The following CHCHD6 variants were observed in gnomAD, a reference collection of about 807,000 sequenced individuals.
CHCHD6 encodes the protein coiled-coil-helix-coiled-coil-helix domain containing 6, also known as MICOS complex subunit MIC25.
CHCHD6 carries 28 observed loss-of-function variants against 32.3 expected under a neutral mutation model. The ratio of observed to expected loss-of-function variants is 0.87; its 90% CI spans 0.64 to 1.19. CHCHD6 has a LOEUF of 1.19. Ranked by LOEUF, CHCHD6 falls within the 50% of genes most tolerant of loss-of-function variation. The pLI, the probability that CHCHD6 is intolerant of heterozygous loss-of-function variation, is 0.00. For missense variants in CHCHD6, 333 were observed against 307.0 expected (o/e 1.08, Z -0.63); for synonymous variants, 122 against 117.5 (o/e 1.04, Z -0.25).
chr3:126,790,853 C>A (rs1358393358), intron 4 of CHCHD6, among the ~76,000 whole-genome samples: 1 of 152,204 alleles, frequency 6.6e-6, no homozygotes, highest in Non-Finnish European at 1.5e-5. Flanking sequence ...CAGCTTTGTT[C>A]CGTTGCTGGT....
At chr3:126,794,104 G>C (rs1938677191) in intron 4 of CHCHD6, among the ~76,000 whole-genome samples, 1 of 151,976 alleles carries the variant, frequency 6.6e-6, no homozygotes, top group Non-Finnish European at 1.5e-5. Flanking sequence ...TGTGGGGTTT[G>C]CTTAGCTTCT....
chr3:126,735,930 A>C (rs1936022635), intron 4 of CHCHD6, among the ~76,000 whole-genome samples: 1 of 152,200 alleles, frequency 6.6e-6, no homozygotes, highest in Non-Finnish European at 1.5e-5. Context: ...GAAGGTGTAC[A>C]ACCATATTCA....
intron 4 of CHCHD6, among the ~76,000 whole-genome samples, chr3:126,740,776 G>A (rs1354462382): frequency 2.0e-5 from 3 of 152,204 alleles, no homozygotes; most frequent in African/African-American, 7.2e-5. Context: ...CACTTAACCT[G>A]GCCTTGGTGG....
At chr3:126,900,037 A>T (rs1576575529) in intron 5 of CHCHD6, among the ~76,000 whole-genome samples, 1 of 152,178 alleles carries the variant, frequency 6.6e-6, no homozygotes, top group Non-Finnish European at 1.5e-5. Flanking sequence ...TTATTTGTTA[A>T]ATTGTACGTT....
intron 6 of CHCHD6, among the ~76,000 whole-genome samples, chr3:126,936,443 T>G (rs953175113): frequency 6.6e-6 from 1 of 152,218 alleles, no homozygotes; most frequent in Non-Finnish European, 1.5e-5. Context: ...AAAATACATA[T>G]TGGATTTCAA....
intron 4 of CHCHD6, among the ~76,000 whole-genome samples, chr3:126,834,361 G>A (rs961983040): frequency 6.6e-6 from 1 of 152,106 alleles, no homozygotes; most frequent in African/African-American, 2.4e-5. Context: ...AGTTCTGTTT[G>A]GATGGAGAGA....
intron 4 of CHCHD6, among the ~76,000 whole-genome samples, chr3:126,741,606 A>G (rs973298428): frequency 6.6e-6 from 1 of 152,150 alleles, no homozygotes; most frequent in African/African-American, 2.4e-5. Context: ...CTGGCTGTGC[A>G]TCTGGATCAC....
At chr3:126,768,492 G>C (rs1937468243) in intron 4 of CHCHD6, among the ~76,000 whole-genome samples, 1 of 152,126 alleles carries the variant, frequency 6.6e-6, no homozygotes, top group Non-Finnish European at 1.5e-5. Flanking sequence ...CCAGTCTCAG[G>C]TATTTCTTTA....
intron 4 of CHCHD6, among the ~76,000 whole-genome samples, chr3:126,837,910 A>G (rs1486708447): frequency 6.6e-6 from 1 of 152,182 alleles, no homozygotes; most frequent in Non-Finnish European, 1.5e-5. Flanking sequence ...TACTTGGGCA[A>G]CACGGAGGAG....
At chr3:126,830,396 A>G (rs993793752) in intron 4 of CHCHD6, among the ~76,000 whole-genome samples, 5 of 152,116 alleles carry the variant, frequency 3.3e-5, no homozygotes, top group African/African-American at 1.2e-4. Flanking sequence ...CCAGGCTTTC[A>G]CCCTGTGGCT....
At chr3:126,771,461 G>A (rs536307593) in intron 4 of CHCHD6, among the ~76,000 whole-genome samples, 3 of 151,712 alleles carry the variant, frequency 2.0e-5, no homozygotes, top group East Asian at 1.9e-4. Context: ...CGCCCACCTC[G>A]GCCTCCCAAA....
In CHCHD6 at chr3:126,733,163, G is replaced by T; in HGVS notation, c.352G>T (p.Ala118Ser). 1 of 1,614,222 alleles carries T rather than the reference G, an allele frequency of 6.2e-7. No homozygotes were observed. Among genetic ancestry groups the T allele is most frequent in the Non-Finnish European group, 8.5e-7 (1 of 1,180,028 alleles). ...EREAATKHSKASLPTGEGSIS... is the reference protein window; with the variant it reads ...EREAATKHSKSSLPTGEGSIS... Reference sequence around the variant, plus strand: ...AGAGGCTGCCACCAAGCACTCCAAGGCATCCCTGCCCACGGGCGAAGGCAG... The same window carrying T: ...AGAGGCTGCCACCAAGCACTCCAAGTCATCCCTGCCCACGGGCGAAGGCAG... Residue 118 changes from alanine to serine, a missense_variant, in exon 4 of 8, where the codon GCA becomes TCA. By Grantham distance (99) the Ala-to-Ser change is moderately conservative. Transcript: ENST00000290913.
chr3:126,858,938 C>T (rs1278378158), intron 5 of CHCHD6, among the ~76,000 whole-genome samples: 1 of 152,182 alleles, frequency 6.6e-6, no homozygotes, highest in Non-Finnish European at 1.5e-5. Context: ...CCTGCTGCTC[C>T]GTTGTCTGTC....
chr3:126,735,777 C>T (rs1197183333), intron 4 of CHCHD6, among the ~76,000 whole-genome samples: 1 of 152,194 alleles, frequency 6.6e-6, no homozygotes, highest in Non-Finnish European at 1.5e-5. Flanking sequence ...TCTGTCTGGT[C>T]CTCCTGCCTT....
intron 5 of CHCHD6, among the ~76,000 whole-genome samples, chr3:126,912,780 C>A (rs1201677280): frequency 6.6e-6 from 1 of 152,232 alleles, no homozygotes. Context: ...GTCAGCACTT[C>A]TCTGAGGCCA....
rs1480090164 is a variant in CHCHD6 at position 126,872,319 on chromosome 3, T to A, written c.495+19589T>A. Among the ~76,000 whole-genome samples the A allele has an allele frequency of 2.6e-5, 4 of 152,266 alleles. No homozygotes were observed. In the East Asian group the frequency reaches 7.7e-4, roughly 29 times the overall value. On this transcript the variant is annotated intron_variant, in intron 5 of 7. Transcript: ENST00000290913. Reference sequence around the variant, plus strand: ...GGGAGGCTGACATGGGAGGATTGCTTAAGCACAGGTGTTTGAGTCTAGCCT... The same window carrying A: ...GGGAGGCTGACATGGGAGGATTGCTAAAGCACAGGTGTTTGAGTCTAGCCT...
At chr3:126,832,361 G>A (rs116707269) in intron 4 of CHCHD6, among the ~76,000 whole-genome samples, 2,270 of 152,210 alleles carry the variant, frequency 0.015, 32 homozygotes, top group Non-Finnish European at 0.024. Context: ...ATCCAGGGGT[G>A]GTGTCCATGG....
At chr3:126,878,294 C>T (rs1265643180) in intron 5 of CHCHD6, among the ~76,000 whole-genome samples, 1 of 152,184 alleles carries the variant, frequency 6.6e-6, no homozygotes, top group Non-Finnish European at 1.5e-5. Context: ...TCTAAATGAC[C>T]ATTCCTAATT....
At chr3:126,876,167 C>T (rs1559897671) in intron 5 of CHCHD6, among the ~76,000 whole-genome samples, 1 of 152,176 alleles carries the variant, frequency 6.6e-6, no homozygotes, top group Non-Finnish European at 1.5e-5. Context: ...AAGAAATGTT[C>T]ATTATATGAG....
Sources: gnomAD v4.1 joint callset for allele counts (sites outside exome capture counted in the v4.1 genomes callset) on GRCh38, gnomAD v4.1.1 for gene constraint, MANE v1.5 for transcripts, NCBI Gene and HGNC (gene_info 2026-07-23, HGNC 2026-07-21) for gene names.